The following LARP1 variants were observed in gnomAD, a reference collection of about 807,000 sequenced individuals.
LARP1 encodes the protein La ribonucleoprotein 1, translational regulator.
A neutral mutation model predicts 122.7 loss-of-function variants in LARP1; 36 were observed. The observed-to-expected ratio is 0.29, with a 90% CI of 0.22 to 0.39. The LOEUF (loss-of-function observed/expected upper bound fraction) is 0.39, where lower values mean the gene tolerates loss of function less well. LARP1 is among the 10% of genes least tolerant of loss of function. The probability of loss-of-function intolerance (pLI) is 1.00; values close to 1 mark genes in which losing one functional copy is unlikely to be tolerated. For missense variants in LARP1, 1,040 were observed against 1,403.6 expected (o/e 0.74, Z 4.14); for synonymous variants, 539 against 528.7 (o/e 1.02, Z -0.27).
upstream of LARP1, among the ~76,000 whole-genome samples, chr5:154,752,708 G>A (rs1245810362): frequency 1.3e-5 from 2 of 151,898 alleles, no homozygotes; most frequent in Non-Finnish European, 2.9e-5. Flanking sequence ...GGAAGCTGAG[G>A]TGGGCAGATC....
At chr5:154,805,793 G>C (rs1758728320) in intron 14 of LARP1, 88 bp from the exon 15 acceptor site, 2 of 1,407,154 alleles carry the variant, frequency 1.4e-6, no homozygotes, top group Admixed American at 2.1e-5. Flanking sequence ...ATGGATCTTG[G>C]CTGACAGAAC....
chr5:154,801,906 C>A, intron 10 of LARP1, 101 bp from the exon 11 acceptor site: 1 of 1,153,412 alleles, frequency 8.7e-7, no homozygotes, highest in Non-Finnish European at 1.2e-6. Flanking sequence ...GTTGAACAGT[C>A]TTATGTTGAG....
At chr5:154,763,229 T>C (rs1754623151) in intron 1 of LARP1, among the ~76,000 whole-genome samples, 1 of 151,768 alleles carries the variant, frequency 6.6e-6, no homozygotes, top group African/African-American at 2.4e-5. Flanking sequence ...CCTGGCTAAT[T>C]TTTTGTATTT....
intron 1 of LARP1, among the ~76,000 whole-genome samples, chr5:154,775,417 C>T (rs1366122081): frequency 1.3e-5 from 2 of 149,936 alleles, no homozygotes; most frequent in East Asian, 2.0e-4. Context: ...CACCTGAACC[C>T]GGGGAGGTCG....
chr5:154,798,624 C>G (rs1448967647), intron 8 of LARP1, among the ~76,000 whole-genome samples: 1 of 152,086 alleles, frequency 6.6e-6, no homozygotes, highest in African/African-American at 2.4e-5. Context: ...CATCTAGGCT[C>G]CCAAGTAGCT....
At position 154,814,309 on chromosome 5, in the gene LARP1, A is replaced by G. The variant is rs1052909738; in HGVS notation, c.*213A>G. 6 of 482,514 alleles carry G rather than the reference A, an allele frequency of 1.2e-5. No individual in the cohort carries two copies. The highest frequency in any genetic ancestry group is 9.7e-5 in the African/African-American group (5 of 51,422). 29.9% of individuals were successfully genotyped at this position (482,514 alleles called of 1,614,324 possible). ...ACATCCCCTTCCCCCTCCTCTCTCC[A>G]TGACTCTTGACATCCTAGCTTCTTC... On this transcript the variant is annotated 3_prime_UTR_variant, in exon 19 of 19. Coordinates refer to ENST00000518297, the MANE Select transcript of LARP1 (RefSeq NM_033551.3).
chr5:154,805,708 G>A (rs1758719053), intron 14 of LARP1, 173 bp from the exon 15 acceptor site: 2 of 652,052 alleles, frequency 3.1e-6, no homozygotes, highest in Non-Finnish European at 5.3e-6. Context: ...GAGAGTTGAT[G>A]CAGAGTTAAT....
In LARP1 at chr5:154,806,160, T is replaced by C. The variant is rs1359431179; in HGVS notation, c.2698+128T>C. The C allele has an allele frequency of 3.9e-6, 4 of 1,016,546 alleles. No individual in the cohort carries two copies. The East Asian group carries it at 7.7e-5, about 20-fold the overall frequency. The allele number at this position is 1,016,546 out of a possible 1,614,324, so 63.0% of individuals were successfully genotyped here. A position where few individuals can be genotyped will look rare whatever the true frequency, so the allele number is the denominator to read the frequency against. On this transcript the variant is annotated intron_variant, in intron 15 of 18. Transcript: ENST00000518297. Reference sequence around the variant, plus strand: ...TCAGAGCAAAAAAAAGACATGACATTATAGCAAGAAAGACTGAAGTTAGAC... The same window carrying C: ...TCAGAGCAAAAAAAAGACATGACATCATAGCAAGAAAGACTGAAGTTAGAC...
chr5:154,738,259 A>G (rs1402983515), intron 1 of LARP1, among the ~76,000 whole-genome samples: 1 of 152,016 alleles, frequency 6.6e-6, no homozygotes, highest in Non-Finnish European at 1.5e-5. Flanking sequence ...TTTTCTCACA[A>G]CCTGAGCCCT....
chr5:154,799,189 G>A (rs909359655), intron 8 of LARP1, among the ~76,000 whole-genome samples: 2 of 152,200 alleles, frequency 1.3e-5, no homozygotes, highest in Non-Finnish European at 2.9e-5. Context: ...TCTGAGTAGT[G>A]TTCCATCATG....
intron 1 of LARP1, among the ~76,000 whole-genome samples, chr5:154,691,801 C>T (rs77230954): frequency 8.8e-5 from 5 of 56,964 alleles, no homozygotes; most frequent in South Asian, 7.1e-4. Context: ...CCTTTTCGTT[C>T]TTTTTTTTTT....
At chr5:154,742,201 T>G (rs917126379) in intron 1 of LARP1, among the ~76,000 whole-genome samples, 2 of 152,110 alleles carry the variant, frequency 1.3e-5, no homozygotes, top group African/African-American at 4.8e-5. Flanking sequence ...CTATCAAGAT[T>G]GCTAGAATTG....
chr5:154,788,450 C>T (rs1357154795), intron 1 of LARP1, among the ~76,000 whole-genome samples: 1 of 152,166 alleles, frequency 6.6e-6, no homozygotes, highest in Non-Finnish European at 1.5e-5. Context: ...CAAGGACACT[C>T]TCTACTCATT....
At chr5:154,786,039 G>A (rs184039783) in intron 1 of LARP1, among the ~76,000 whole-genome samples, 123 of 152,162 alleles carry the variant, frequency 8.1e-4, no homozygotes, top group Middle Eastern at 3.4e-3. Context: ...AGCAATTTTG[G>A]TATGCTTCAC....
Position 154,779,508 on chromosome 5 carries a change from T to C in LARP1, c.437-10817T>C, listed in dbSNP as rs868601878. Among the ~76,000 whole-genome samples the C allele has an allele frequency of 4.6e-4, 68 of 148,352 alleles. 1 individual carries two copies. Among genetic ancestry groups the C allele is most frequent in the South Asian group, 4.3e-4 (2 of 4,684 alleles). On this transcript the variant is annotated intron_variant, in intron 1 of 18. Transcript: ENST00000518297. ...TCGGACCCCCTCTACATTCTCTCTT[T>C]TTTTTTTTTTTTTTTTTGAGATAGA...
intron 7 of LARP1, among the ~76,000 whole-genome samples, chr5:154,794,585 T>A (rs1425872382): frequency 6.6e-6 from 1 of 152,236 alleles, no homozygotes; most frequent in Non-Finnish European, 1.5e-5. Flanking sequence ...ATCCTTAGTA[T>A]CGGCCAGGCT....
intron 1 of LARP1, among the ~76,000 whole-genome samples, chr5:154,701,247 C>T (rs1435154450): frequency 1.3e-5 from 2 of 152,178 alleles, no homozygotes; most frequent in Non-Finnish European, 2.9e-5. Context: ...TAAGTAACGC[C>T]CCATTGCCCT....
Position 154,814,267 on chromosome 5 carries a change from C to T in LARP1, c.*171C>T, listed in dbSNP as rs1582503911. 1 of 628,986 alleles carries T rather than the reference C, an allele frequency of 1.6e-6. No individual in the cohort carries two copies. The highest frequency in any genetic ancestry group is 2.8e-6 in the Non-Finnish European group (1 of 361,748). The allele number at this position is 628,986 out of a possible 1,614,324, so 39.0% of individuals were successfully genotyped here. A position where few individuals can be genotyped will look rare whatever the true frequency, so the allele number is the denominator to read the frequency against. On this transcript the variant is annotated 3_prime_UTR_variant, in exon 19 of 19. Coordinates refer to ENST00000518297, the MANE Select transcript of LARP1 (RefSeq NM_033551.3). ...CACCATTTGGGCTATCAGAGGTACC[C>T]CTGGGCAGGAGCCTCTACATCCCCT...
chr5:154,693,724 C>T (rs1204856688), intron 1 of LARP1, among the ~76,000 whole-genome samples: 1 of 151,912 alleles, frequency 6.6e-6, no homozygotes, highest in Non-Finnish European at 1.5e-5. Context: ...GGCGTGGTGG[C>T]GGGCTCCTGT....
Sources: allele counts gnomAD v4.1 joint callset (sites outside exome capture counted in the v4.1 genomes callset), GRCh38; gene constraint gnomAD v4.1.1; transcripts MANE v1.5; gene names NCBI Gene and HGNC (gene_info 2026-07-23, HGNC 2026-07-21).